FLI1: variants seen among roughly 807,000 people sequenced by gnomAD.
FLI1 encodes Fli-1 proto-oncogene, ETS transcription factor, also known as Friend leukemia integration 1 transcription factor.
In FLI1, 13 loss-of-function variants were observed where a neutral mutation model predicts 53.1. The ratio of observed to expected loss-of-function variants is 0.24; its 90% CI spans 0.16 to 0.39. The LOEUF is 0.39. Ranked by LOEUF, FLI1 falls within the 10% of genes least tolerant of loss-of-function variation. The pLI is 1.00. For missense variants in FLI1, 424 were observed against 600.5 expected, an observed-to-expected ratio of 0.71 and a Z score of 3.07; for synonymous variants, 244 against 236.7, an observed-to-expected ratio of 1.03 and a Z score of -0.28.
chr11:128,786,765 T>A (rs1164455082), intron 5 of FLI1, among the ~76,000 whole-genome samples: 1 of 152,230 alleles, frequency 6.6e-6, no homozygotes, highest in Non-Finnish European at 1.5e-5. Context: ...AGAGCTTCTT[T>A]GCATGCCTAA....
At chr11:128,714,955 C>A (rs574141276) in intron 1 of FLI1, among the ~76,000 whole-genome samples, 1 of 152,242 alleles carries the variant, frequency 6.6e-6, no homozygotes, top group South Asian at 2.1e-4. Flanking sequence ...CATCCGCCAG[C>A]CTCAGCCTCC....
intron 5 of FLI1, among the ~76,000 whole-genome samples, chr11:128,797,396 T>C (rs768415664): frequency 3.3e-5 from 5 of 152,266 alleles, no homozygotes; most frequent in Non-Finnish European, 7.3e-5. Flanking sequence ...GAGACCAATG[T>C]CAGCCAATCT....
At chr11:128,739,624 G>A (rs1460382216) in intron 1 of FLI1, among the ~76,000 whole-genome samples, 2 of 152,142 alleles carry the variant, frequency 1.3e-5, no homozygotes, top group Non-Finnish European at 2.9e-5. Context: ...TGGGCAGGGG[G>A]AGCCAGCATT....
intron 1 of FLI1, among the ~76,000 whole-genome samples, chr11:128,730,465 T>C (rs1048870360): frequency 6.6e-6 from 1 of 152,236 alleles, no homozygotes; most frequent in African/African-American, 2.4e-5. Context: ...ATCAAGAACA[T>C]GCATTCTATT....
chr11:128,811,863 C>A lies in FLI1; in HGVS notation c.*875C>A, dbSNP rs539677800. 2.5e-5 allele frequency: 5 copies of A among 197,036 alleles called. No individual in the cohort carries two copies. In the East Asian group the frequency reaches 3.2e-4, roughly 12 times the overall value. The allele number at this position is 197,036 out of a possible 1,614,324, so 12.2% of individuals were successfully genotyped here. A position where few individuals can be genotyped will look rare whatever the true frequency, so the allele number is the denominator to read the frequency against. On this transcript the variant is annotated 3_prime_UTR_variant, in exon 9 of 9. Transcript: ENST00000527786. ...ATTATGCAGAGTTATTTTCCTATATCTCACAGTATTAAAAATAAATAATTA... is the reference window on the plus strand; with the variant it reads ...ATTATGCAGAGTTATTTTCCTATATATCACAGTATTAAAAATAAATAATTA...
At chr11:128,739,518 T>C (rs1210932762) in intron 1 of FLI1, among the ~76,000 whole-genome samples, 3 of 151,826 alleles carry the variant, frequency 2.0e-5, no homozygotes. Flanking sequence ...TGCTCCCAGC[T>C]CACCTTCCCT....
Position 128,811,235 on chromosome 11 carries a change from C to G in FLI1, c.*247C>G. On this transcript the variant is annotated 3_prime_UTR_variant, in exon 9 of 9. Coordinates refer to ENST00000527786, the MANE Select transcript of FLI1 (RefSeq NM_002017.5). ...TATGCCAGTTTGAATTCTCAGTCTC[C>G]TAGCATCTTGTGAGTTGCATATTAA... 1 of 541,202 alleles carries G rather than the reference C, an allele frequency of 1.8e-6. No homozygotes were observed. The highest frequency in any genetic ancestry group is 3.3e-6 in the Non-Finnish European group (1 of 306,316). The allele number at this position is 541,202 out of a possible 1,614,324, so 33.5% of individuals were successfully genotyped here.
chr11:128,752,686 T>C (rs1392875061), intron 1 of FLI1, among the ~76,000 whole-genome samples: 2 of 152,256 alleles, frequency 1.3e-5, no homozygotes, highest in African/African-American at 4.8e-5. Context: ...CTTTTCTGAA[T>C]TTCCATTTTC....
chr11:128,692,319 G>T (rs1025356871), upstream of FLI1, among the ~76,000 whole-genome samples: 1 of 152,158 alleles, frequency 6.6e-6, no homozygotes, highest in African/African-American at 2.4e-5. Context: ...CAAAGGGGGG[G>T]ACTGACCCCG....
intron 1 of FLI1, among the ~76,000 whole-genome samples, chr11:128,754,835 C>T (rs1179742609): frequency 6.6e-6 from 1 of 152,230 alleles, no homozygotes; most frequent in East Asian, 1.9e-4. Context: ...GTGAGGCATT[C>T]CCGGTGAACC....
chr11:128,719,553 C>T (rs1477380446), intron 1 of FLI1, among the ~76,000 whole-genome samples: 1 of 152,132 alleles, frequency 6.6e-6, no homozygotes, highest in Non-Finnish European at 1.5e-5. Context: ...GCTCTGCATT[C>T]AGTCTAAGCT....
At chr11:128,694,522 C>G (rs1274798872) in intron 1 of FLI1, among the ~76,000 whole-genome samples, 4 of 119,810 alleles carry the variant, frequency 3.3e-5, no homozygotes, top group Non-Finnish European at 7.0e-5. Context: ...CCCCGGCCCC[C>G]CTCCCACCTC....
intron 1 of FLI1, among the ~76,000 whole-genome samples, chr11:128,701,315 G>A (rs984354531): frequency 7.8e-6 from 1 of 128,896 alleles, no homozygotes; most frequent in African/African-American, 3.1e-5. Context: ...GATAGTGCTT[G>A]AGAGGAGAAA....
chr11:128,795,218 C>T (rs1942396938), intron 5 of FLI1, among the ~76,000 whole-genome samples: 1 of 152,170 alleles, frequency 6.6e-6, no homozygotes. Context: ...TCTTCAAAAC[C>T]CGATTCAAGT....
chr11:128,744,604 G>A (rs549924902), intron 1 of FLI1, among the ~76,000 whole-genome samples: 53 of 152,298 alleles, frequency 3.5e-4, no homozygotes, highest in African/African-American at 1.2e-3. Context: ...CTGGCTCTGC[G>A]GGTAACATGT....
chr11:128,745,026 T>C (rs1189973070), intron 1 of FLI1, among the ~76,000 whole-genome samples: 1 of 152,066 alleles, frequency 6.6e-6, no homozygotes, highest in Non-Finnish European at 1.5e-5. Context: ...ATGAATGAGA[T>C]ATGATTAGGC....
chr11:128,745,751 C>T (rs1264214231), intron 1 of FLI1, among the ~76,000 whole-genome samples: 3 of 152,224 alleles, frequency 2.0e-5, no homozygotes, highest in African/African-American at 7.2e-5. Flanking sequence ...GGCTTGTGTG[C>T]GTGAGGCAGG....
chr11:128,697,096 A>G (rs878958901), intron 1 of FLI1, among the ~76,000 whole-genome samples: 3 of 152,226 alleles, frequency 2.0e-5, no homozygotes, highest in Admixed American at 6.5e-5. Flanking sequence ...GTTAACTTGC[A>G]GTATTAAACA....
chr11:128,744,984 G>A (rs904311892), intron 1 of FLI1, among the ~76,000 whole-genome samples: 1 of 152,178 alleles, frequency 6.6e-6, no homozygotes, highest in Non-Finnish European at 1.5e-5. Flanking sequence ...TCCTGGAGGA[G>A]GCAGAATGTG....
Sources: allele counts gnomAD v4.1 joint callset (sites outside exome capture counted in the v4.1 genomes callset), GRCh38; gene constraint gnomAD v4.1.1; transcripts MANE v1.5; gene names NCBI Gene and HGNC (gene_info 2026-07-23, HGNC 2026-07-21).